PARVB: variants seen among roughly 807,000 people sequenced by gnomAD.
PARVB encodes parvin beta.
A neutral mutation model predicts 47.0 loss-of-function variants in PARVB; 46 were observed. That is an observed-to-expected ratio of 0.98 (90% CI 0.77 to 1.25). The LOEUF is 1.25. PARVB is among the 50% of genes most tolerant of loss of function. PARVB has a pLI of 0.00. For missense variants in PARVB, 473 were observed against 471.6 expected, an observed-to-expected ratio of 1.00 and a Z score of -0.03; for synonymous variants, 196 against 196.3, an observed-to-expected ratio of 1.00 and a Z score of 0.01.
At chr22:44,148,148 G>A (rs5764558) in intron 9 of PARVB, 195,895 of 564,262 alleles carry the variant, frequency 0.35, 35,998 homozygotes, top group East Asian at 0.62. Flanking sequence ...CGCCCGCTCC[G>A]CTTCTGTTAA....
At chr22:44,021,759 T>TCACA (rs3223605), upstream of PARVB, among the ~76,000 whole-genome samples, 2,874 of 102,644 alleles carry the variant, frequency 0.028, 108 homozygotes, top group Admixed American at 0.041. Context: ...AAGTCTAGAC[T>TCACA]CACACACACA....
chr22:44,100,556 C>G (rs1036107729), intron 3 of PARVB, among the ~76,000 whole-genome samples: 1 of 152,130 alleles, frequency 6.6e-6, no homozygotes, highest in Non-Finnish European at 1.5e-5. Context: ...GATGCCGATG[C>G]CTGCGCTGAG....
intron 8 of PARVB, chr22:44,141,784 G>C (rs1425272364): frequency 1.3e-5 from 2 of 152,280 alleles, no homozygotes; most frequent in Non-Finnish European, 1.5e-5. Context: ...ACATTCACAG[G>C]CCTTCTCTGT....
chr22:44,009,479 ACAAAGG>A lies in PARVB; in HGVS notation c.211+9809_211+9814del, dbSNP rs1484170550. 6 of 152,316 alleles carry A rather than the reference ACAAAGG, an allele frequency of 3.9e-5. No homozygotes were observed. The East Asian group carries it at 1.2e-3, about 29-fold the overall frequency. The allele number at this position is 152,316 out of a possible 1,614,324, so 9.4% of individuals were successfully genotyped here. A position where few individuals can be genotyped will look rare whatever the true frequency, so the allele number is the denominator to read the frequency against. ...TTGTTATTTTTTTGTACGGACAGAT[ACAAAGG>A]CAGAGTTCAAATCAGCAATTCCCCA... is the stretch of plus-strand genomic sequence containing the variant. On this transcript the variant is annotated intron_variant, in intron 2 of 13. Transcript: ENST00000406477.
intron 1 of PARVB, among the ~76,000 whole-genome samples, chr22:44,032,831 C>A (rs2050849053): frequency 6.6e-6 from 1 of 152,118 alleles, no homozygotes; most frequent in African/African-American, 2.4e-5. Flanking sequence ...AAAAAGAATG[C>A]TGGGACCAGT....
At chr22:44,004,170 C>A (rs2050440360) in intron 2 of PARVB, among the ~76,000 whole-genome samples, 1 of 152,198 alleles carries the variant, frequency 6.6e-6, no homozygotes. Context: ...CCAAAGACAT[C>A]ACAGCAGACA....
chr22:44,063,588 C>T (rs62226419), intron 1 of PARVB, among the ~76,000 whole-genome samples: 2,546 of 152,210 alleles, frequency 0.017, 38 homozygotes, highest in Non-Finnish European at 0.026. Flanking sequence ...TCTCCGTCCT[C>T]AGCGTCGTGG....
chr22:44,095,963 C>T (rs1031453657), intron 2 of PARVB, among the ~76,000 whole-genome samples: 4 of 152,160 alleles, frequency 2.6e-5, no homozygotes, highest in African/African-American at 4.8e-5. Context: ...GTGGCTCAGG[C>T]CTGTAATCTC....
intron 8 of PARVB, chr22:44,145,466 G>A (rs148181355): frequency 1.3e-5 from 2 of 152,460 alleles, no homozygotes; most frequent in African/African-American, 4.8e-5. Context: ...TGTCAACCTG[G>A]GCTCTGCGGC....
At position 44,061,634 on chromosome 22, in the gene PARVB, T is replaced by A. The variant is rs557938603; in HGVS notation, c.113-32294T>A. Among the ~76,000 whole-genome samples the A allele has an allele frequency of 1.4e-3, 213 of 151,944 alleles. 1 individual carries two copies. The highest frequency in any genetic ancestry group is 4.9e-3 in the African/African-American group (205 of 41,480). Reference sequence around the variant, plus strand: ...TCCGGCAACTCAGATTCTTTTTTTTTTGAGTGGAGTCTCACTGCGTCACCC... The same window carrying A: ...TCCGGCAACTCAGATTCTTTTTTTTATGAGTGGAGTCTCACTGCGTCACCC... On this transcript the variant is annotated intron_variant, in intron 1 of 12. Coordinates refer to ENST00000338758, the MANE Select transcript of PARVB (RefSeq NM_013327.5).
intron 3 of PARVB, among the ~76,000 whole-genome samples, chr22:44,101,137 C>T (rs186358387): frequency 2.4e-4 from 37 of 152,296 alleles, no homozygotes; most frequent in Admixed American, 3.9e-4. Flanking sequence ...AGGCTGGGCG[C>T]GGTGGCTCAC....
intron 1 of PARVB, chr22:44,026,443 T>G: frequency 7.4e-6 from 5 of 674,630 alleles, no homozygotes; most frequent in Non-Finnish European, 9.2e-6. Flanking sequence ...CCACAAACCC[T>G]CCTTGGATCT....
chr22:44,163,765 C>A, intron 11 of PARVB, 93 bp from the exon 12 acceptor site: 1 of 1,084,970 alleles, frequency 9.2e-7, no homozygotes, highest in Non-Finnish European at 1.3e-6. Context: ...TGCAGAGGCT[C>A]GGTCCTGTCC....
At chr22:44,138,044 A>G (rs2053476332) in intron 7 of PARVB, among the ~76,000 whole-genome samples, 1 of 152,186 alleles carries the variant, frequency 6.6e-6, no homozygotes, top group Non-Finnish European at 1.5e-5. Context: ...AGAATGGTCC[A>G]GAGACAGAGA....
intron 12 of PARVB, among the ~76,000 whole-genome samples, chr22:44,164,415 C>CCTA (rs1555913792): frequency 7.2e-6 from 1 of 139,178 alleles, no homozygotes; most frequent in Non-Finnish European, 1.6e-5. Context: ...CCTGTCCCCC[C>CCTA]CCCGGCTCCT....
At chr22:44,117,825 GA>G (rs1451708521) in intron 3 of PARVB, among the ~76,000 whole-genome samples, 1 of 71,150 alleles carries the variant, frequency 1.4e-5, no homozygotes, top group Non-Finnish European at 2.5e-5. Flanking sequence ...TGGGACCAAT[GA>G]GATCATTTAT....
chr22:44,048,333 C>T (rs900814209), intron 1 of PARVB, among the ~76,000 whole-genome samples: 2 of 152,068 alleles, frequency 1.3e-5, no homozygotes, highest in Admixed American at 6.5e-5. Flanking sequence ...ACCATGTGGA[C>T]ATATCTTTTG....
chr22:44,038,433 C>CGGGG (rs2050960003), intron 1 of PARVB, among the ~76,000 whole-genome samples: 6 of 152,254 alleles, frequency 3.9e-5, no homozygotes, highest in Admixed American at 3.9e-4. Context: ...GCCTACTTAA[C>CGGGG]TCATAGGGTC....
intron 4 of PARVB, among the ~76,000 whole-genome samples, chr22:44,124,026 C>T (rs960036486): frequency 2.6e-5 from 4 of 152,208 alleles, no homozygotes; most frequent in African/African-American, 9.7e-5. Context: ...CTGCTGGGTA[C>T]CCCATCCACC....
Sources: allele counts gnomAD v4.1 joint callset (sites outside exome capture counted in the v4.1 genomes callset), GRCh38; gene constraint gnomAD v4.1.1; transcripts MANE v1.5; gene names NCBI Gene and HGNC (gene_info 2026-07-23, HGNC 2026-07-21).